PRKAR2B: variants seen among roughly 807,000 people sequenced by gnomAD.
PRKAR2B encodes the protein cAMP-dependent protein kinase type II-beta regulatory subunit.
Under a neutral mutation model 49.9 loss-of-function variants are expected in PRKAR2B, and 14 were observed. The ratio of observed to expected loss-of-function variants is 0.28; its 90% CI spans 0.19 to 0.44. PRKAR2B has a LOEUF of 0.44. PRKAR2B is among the 20% of genes least tolerant of loss of function. The pLI is 1.00. For synonymous variants in PRKAR2B, 196 were observed against 197.7 expected, an observed-to-expected ratio of 0.99 and a Z score of 0.07; for missense variants, 393 against 537.9, an observed-to-expected ratio of 0.73 and a Z score of 2.67.
At chr7:107,045,297 G>A (rs1793668201) in intron 1 of PRKAR2B, 83 bp downstream of exon 1, 1 of 1,214,350 alleles carries the variant, frequency 8.2e-7, no homozygotes, top group South Asian at 1.6e-5. Context: ...GGATCTTGCC[G>A]CTTTGCGCAC....
intron 5 of PRKAR2B, among the ~76,000 whole-genome samples, chr7:107,144,019 C>G (rs761879928): frequency 1.9e-4 from 29 of 152,072 alleles, no homozygotes; most frequent in Non-Finnish European, 1.9e-4. Flanking sequence ...AACAGTCATT[C>G]TATCCGTGAA....
chr7:107,095,036 T>A (rs1794808752), intron 2 of PRKAR2B, among the ~76,000 whole-genome samples: 2 of 152,238 alleles, frequency 1.3e-5, no homozygotes, highest in Non-Finnish European at 2.9e-5. Context: ...TTTCCAATTC[T>A]GTGAAGGAAG....
At chr7:107,049,872 A>G (rs992922401) in intron 1 of PRKAR2B, among the ~76,000 whole-genome samples, 1 of 152,206 alleles carries the variant, frequency 6.6e-6, no homozygotes, top group Admixed American at 6.5e-5. Context: ...CCTGAAATGG[A>G]TTAAATCATT....
At chr7:107,074,894 C>T (rs950474187) in intron 2 of PRKAR2B, among the ~76,000 whole-genome samples, 9 of 151,964 alleles carry the variant, frequency 5.9e-5, no homozygotes, top group Admixed American at 6.6e-5. Context: ...AAGAAATAAT[C>T]CTGTTGCTTC....
chr7:107,059,760 G>A (rs905218162), intron 1 of PRKAR2B, among the ~76,000 whole-genome samples: 3 of 151,852 alleles, frequency 2.0e-5, no homozygotes, highest in African/African-American at 7.3e-5. Flanking sequence ...ATAGTTTTCA[G>A]TGTGTGGTCT....
chr7:107,080,230 G>A (rs908515618), intron 2 of PRKAR2B, among the ~76,000 whole-genome samples: 1 of 152,132 alleles, frequency 6.6e-6, no homozygotes, highest in Admixed American at 6.5e-5. Flanking sequence ...GAGCCACAGC[G>A]TGCCCTCACT....
intron 6 of PRKAR2B, among the ~76,000 whole-genome samples, chr7:107,148,773 C>T (rs1421839309): frequency 6.6e-6 from 1 of 152,138 alleles, no homozygotes; most frequent in African/African-American, 2.4e-5. Flanking sequence ...AGAATAGTCT[C>T]ACTCTGTAAA....
intron 1 of PRKAR2B, among the ~76,000 whole-genome samples, chr7:107,063,473 G>A (rs1794066833): frequency 6.6e-6 from 1 of 152,170 alleles, no homozygotes; most frequent in Non-Finnish European, 1.5e-5. Flanking sequence ...TAGCGAAGGA[G>A]GAGACAGACA....
At chr7:107,071,189 C>T (rs1473630295) in intron 2 of PRKAR2B, among the ~76,000 whole-genome samples, 3 of 152,016 alleles carry the variant, frequency 2.0e-5, no homozygotes, top group Non-Finnish European at 4.4e-5. Flanking sequence ...TTGTTAAACC[C>T]AAGATAAACA....
At position 107,126,420 on chromosome 7, in the gene PRKAR2B, C is replaced by CAAAAAAA. The variant is rs35682952; in HGVS notation, c.397-1775_397-1769dup. 3.6e-4 allele frequency among the ~76,000 whole-genome samples: 14 copies of CAAAAAAA among 38,396 alleles called. 1 individual carries two copies. Among genetic ancestry groups the CAAAAAAA allele is most frequent in the African/African-American group, 1.3e-3 (12 of 9,540 alleles). 25.2% of individuals were successfully genotyped at this position (38,396 alleles called of 152,430 possible). A position where few individuals can be genotyped will look rare whatever the true frequency, so the allele number is the denominator to read the frequency against. ...TGGGCAACAGAGTGAGAATCTGTCT[C>CAAAAAAA]AAAAAAAAAAAAAAAAAAAAAAAGT... On this transcript the variant is annotated intron_variant, in intron 3 of 10. Transcript: ENST00000265717.
chr7:107,138,403 TA>T (rs900063163), intron 4 of PRKAR2B, among the ~76,000 whole-genome samples: 5 of 152,334 alleles, frequency 3.3e-5, no homozygotes, highest in Admixed American at 2.0e-4. Flanking sequence ...AAAACTGCTC[TA>T]AAAAATTCTA....
intron 3 of PRKAR2B, among the ~76,000 whole-genome samples, chr7:107,124,714 C>T (rs1199007418): frequency 6.6e-6 from 1 of 152,204 alleles, no homozygotes; most frequent in African/African-American, 2.4e-5. Flanking sequence ...GCCACTGTGC[C>T]TGACCGATAT....
intron 4 of PRKAR2B, among the ~76,000 whole-genome samples, chr7:107,137,771 G>T (rs779046471): frequency 2.0e-5 from 3 of 152,046 alleles, no homozygotes; most frequent in Non-Finnish European, 2.9e-5. Context: ...ATCTCATTTC[G>T]ATTTTAATTT....
intron 2 of PRKAR2B, among the ~76,000 whole-genome samples, chr7:107,092,276 T>C (rs550763928): frequency 5.1e-4 from 76 of 148,664 alleles, no homozygotes; most frequent in African/African-American, 1.7e-3. Context: ...TGTGCGTGTG[T>C]CTGTGTGTGT....
chr7:107,117,810 C>T (rs1397563779), intron 2 of PRKAR2B, among the ~76,000 whole-genome samples: 3 of 152,150 alleles, frequency 2.0e-5, no homozygotes, highest in Non-Finnish European at 4.4e-5. Context: ...TGGTATTTTC[C>T]TGTTCTGTCC....
chr7:107,139,898 A>G (rs972706352), intron 4 of PRKAR2B, among the ~76,000 whole-genome samples: 2 of 152,126 alleles, frequency 1.3e-5, no homozygotes, highest in African/African-American at 4.8e-5. Context: ...TTTATGTATA[A>G]TAGTAATTGA....
intron 7 of PRKAR2B, among the ~76,000 whole-genome samples, chr7:107,151,509 G>A (rs1795987278): frequency 6.6e-6 from 1 of 152,142 alleles, no homozygotes; most frequent in African/African-American, 2.4e-5. Flanking sequence ...CGAATCCCAT[G>A]GCCTTAAATA....
intron 2 of PRKAR2B, among the ~76,000 whole-genome samples, chr7:107,094,659 T>G (rs1303473928): frequency 2.0e-5 from 3 of 152,224 alleles, no homozygotes; most frequent in Non-Finnish European, 4.4e-5. Flanking sequence ...TGTAAGTCTT[T>G]AATCCATCTT....
At chr7:107,125,628 T>TG (rs1338300361) in intron 3 of PRKAR2B, among the ~76,000 whole-genome samples, 13 of 152,172 alleles carry the variant, frequency 8.5e-5, no homozygotes, top group African/African-American at 3.1e-4. Flanking sequence ...ACCCGCTTTC[T>TG]GGCTGTTTAC....
Sources: allele counts gnomAD v4.1 joint callset (sites outside exome capture counted in the v4.1 genomes callset), GRCh38; gene constraint gnomAD v4.1.1; transcripts MANE v1.5; gene names NCBI Gene and HGNC (gene_info 2026-07-23, HGNC 2026-07-21).